The following PHACTR2 variants were observed in gnomAD, a reference collection of about 807,000 sequenced individuals.
PHACTR2 encodes phosphatase and actin regulator 2, also known as chromosome 6 open reading frame 56.
A neutral mutation model predicts 76.0 loss-of-function variants in PHACTR2; 30 were observed. The ratio of observed to expected loss-of-function variants is 0.39; its 90% CI spans 0.30 to 0.54. The LOEUF (loss-of-function observed/expected upper bound fraction) is 0.54, where lower values mean the gene tolerates loss of function less well. Among genes scored for constraint, PHACTR2 ranks in the 20% least tolerant of loss-of-function variants. PHACTR2 has a pLI of 0.61. For synonymous variants in PHACTR2, 292 were observed against 292.5 expected (o/e 1.00, Z 0.02); for missense variants, 696 against 781.1 (o/e 0.89, Z 1.30).
At chr6:143,770,386 T>G (rs2128474662) in intron 6 of PHACTR2, among the ~76,000 whole-genome samples, 1 of 152,282 alleles carries the variant, frequency 6.6e-6, no homozygotes, top group South Asian at 2.1e-4. Context: ...GGGTAGAGTT[T>G]CAATTTGGGA....
rs116768814 is a variant in PHACTR2, at chr6:143,685,757, C to T, written c.46+7548C>T. Among the ~76,000 whole-genome samples the T allele has an allele frequency of 8.2e-3, 1,239 of 150,666 alleles. 19 individuals are homozygous for T. The highest frequency in any genetic ancestry group is 0.028 in the African/African-American group (1,155 of 40,956). ...TAGCAAAGATTAAAATGAGTAATTC[C>T]CAAAAGACAATTGTTTTGTGGTAAT... On this transcript the variant is annotated intron_variant, in intron 1 of 12. Coordinates refer to ENST00000440869, the MANE Select transcript of PHACTR2 (RefSeq NM_001100164.2).
At chr6:143,582,378 A>T (rs1173580178) in intron 1 of PHACTR2, among the ~76,000 whole-genome samples, 1 of 152,138 alleles carries the variant, frequency 6.6e-6, no homozygotes, top group Non-Finnish European at 1.5e-5. Flanking sequence ...AAATTACCAG[A>T]GACAAGCAGG....
In PHACTR2 at chr6:143,825,555, C is replaced by T. The variant is rs1776515077; in HGVS notation, c.*1866C>T. ...TTTTTCTGCATGCCCAGGTGTCTGT[C>T]TCTGGCTGAGGTTTTGTCTATTTTA... is the stretch of plus-strand genomic sequence containing the variant. On this transcript the variant is annotated 3_prime_UTR_variant, in exon 13 of 13. Coordinates refer to ENST00000440869, the MANE Select transcript of PHACTR2 (RefSeq NM_001100164.2). The surrounding 1 kb of genome is among the most constrained non-coding windows in gnomAD (Gnocchi z 4.1). 1 of 152,038 alleles carries T rather than the reference C, an allele frequency of 6.6e-6. No homozygotes were observed. The highest frequency in any genetic ancestry group is 1.5e-5 in the Non-Finnish European group (1 of 67,990). The allele number at this position is 152,038 out of a possible 1,614,324, so 9.4% of individuals were successfully genotyped here. A position where few individuals can be genotyped will look rare whatever the true frequency, so the allele number is the denominator to read the frequency against.
intron 2 of PHACTR2, among the ~76,000 whole-genome samples, chr6:143,729,382 T>A (rs1277861637): frequency 2.0e-5 from 3 of 152,172 alleles, no homozygotes; most frequent in African/African-American, 7.2e-5. Flanking sequence ...TTAAAATAGA[T>A]CATGCTTTTG....
rs141426411 is a variant in PHACTR2, at chr6:143,776,542, G to A, written c.1590-786G>A. On this transcript the variant is annotated intron_variant, in intron 8 of 12. Coordinates refer to ENST00000440869, the MANE Select transcript of PHACTR2 (RefSeq NM_001100164.2). This position sits in a 1 kb window ranked among gnomAD's most constrained non-coding sequence, Gnocchi z 5.3. ...GCAGAAGTCCGTAGTCAGGTACCTA[G>A]CTAACATCCAGGCCGATCTGTTGCT... Among the ~76,000 whole-genome samples the A allele has an allele frequency of 8.5e-5, 13 of 152,324 alleles. No individual in the cohort carries two copies. In the East Asian group the frequency reaches 1.5e-3, roughly 18 times the overall value.
At position 143,738,154 on chromosome 6, in the gene PHACTR2, G is replaced by A. The variant is rs917961234; in HGVS notation, c.215-10831G>A. On this transcript the variant is annotated intron_variant, in intron 2 of 12. Coordinates refer to ENST00000440869, the MANE Select transcript of PHACTR2 (RefSeq NM_001100164.2). The surrounding 1 kb of genome is among the most constrained non-coding windows in gnomAD (Gnocchi z 4.0). Reference sequence around the variant, plus strand: ...TGGCCAGGCGCTGTGGCCCACGCCTGTAATCCTAGCACTTTGGGAGTCCTA... The same window carrying A: ...TGGCCAGGCGCTGTGGCCCACGCCTATAATCCTAGCACTTTGGGAGTCCTA... 6.6e-6 allele frequency among the ~76,000 whole-genome samples: 1 copy of A among 152,194 alleles called. No homozygotes were observed. Among genetic ancestry groups the A allele is most frequent in the Non-Finnish European group, 1.5e-5 (1 of 68,034 alleles).
intron 1 of PHACTR2, among the ~76,000 whole-genome samples, chr6:143,601,311 T>G (rs1775812745): frequency 6.6e-6 from 1 of 152,188 alleles, no homozygotes; most frequent in Admixed American, 6.5e-5. Context: ...GGATGGCCTT[T>G]AGATCTGTAC....
intron 11 of PHACTR2, among the ~76,000 whole-genome samples, chr6:143,802,301 C>T (rs1775975957): frequency 6.6e-6 from 1 of 152,002 alleles, no homozygotes; most frequent in African/African-American, 2.4e-5. Flanking sequence ...GCTCTGATCC[C>T]CCATAACCTC....
rs1382877846 is a variant in PHACTR2, at chr6:143,553,440, A to T, written c.217+16233A>T. ...AAACCAGGAAGAGGGGAGTTGGTGC[A>T]TGTAAACCCAGCTGGGTTTGTTAAC... On this transcript the variant is annotated intron_variant, in intron 1 of 11. Transcript: ENST00000367584. The surrounding 1 kb of genome is among the most constrained non-coding windows in gnomAD (Gnocchi z 4.2). Among the ~76,000 whole-genome samples the T allele has an allele frequency of 6.6e-6, 1 of 152,226 alleles. No individual in the cohort carries two copies. The highest frequency in any genetic ancestry group is 2.4e-5 in the African/African-American group (1 of 41,450).
At chr6:143,727,066 G>C (rs1375917060) in intron 2 of PHACTR2, among the ~76,000 whole-genome samples, 1 of 151,940 alleles carries the variant, frequency 6.6e-6, no homozygotes, top group Non-Finnish European at 1.5e-5. Flanking sequence ...CTGTATGTTT[G>C]TACCCATTAA....
rs1307369080 is a variant in PHACTR2, at chr6:143,829,458, TA to T, written c.*5772del. On this transcript the variant is annotated 3_prime_UTR_variant, in exon 13 of 13. Transcript: ENST00000440869. ...CACAAATGCTTGAATTTCCCCTGTA[TA>T]AATGTAGTCATGCGATTCAACTTTT... 1 of 152,180 alleles carries T rather than the reference TA, an allele frequency of 6.6e-6. No individual in the cohort carries two copies. Among genetic ancestry groups the T allele is most frequent in the Non-Finnish European group, 1.5e-5 (1 of 68,028 alleles). The allele number at this position is 152,180 out of a possible 1,614,324, so 9.4% of individuals were successfully genotyped here.
At position 143,627,131 on chromosome 6, in the gene PHACTR2, A is replaced by G. The variant is rs924571428; in HGVS notation, c.13+18809A>G. 2.0e-5 allele frequency among the ~76,000 whole-genome samples: 3 copies of G among 152,176 alleles called. No individual in the cohort carries two copies. Among genetic ancestry groups the G allele is most frequent in the Non-Finnish European group, 2.9e-5 (2 of 68,030 alleles). On this transcript the variant is annotated intron_variant, in intron 1 of 11. Transcript: ENST00000305766. The surrounding 1 kb of genome is among the most constrained non-coding windows in gnomAD (Gnocchi z 4.3). ...AAGTGCTTAGGTATCTATGAACCAAACAAGTTAGAAGGTCCAGGAGGGAAG... is the reference window on the plus strand; with the variant it reads ...AAGTGCTTAGGTATCTATGAACCAAGCAAGTTAGAAGGTCCAGGAGGGAAG...
Position 143,722,831 on chromosome 6 carries a change from C to A in PHACTR2, c.214+10648C>A, listed in dbSNP as rs1778474425. Among the ~76,000 whole-genome samples, 1 of 152,134 alleles carries A rather than the reference C, an allele frequency of 6.6e-6. No individual in the cohort carries two copies. The highest frequency in any genetic ancestry group is 1.5e-5 in the Non-Finnish European group (1 of 68,028). On this transcript the variant is annotated intron_variant, in intron 2 of 12. Coordinates refer to ENST00000440869, the MANE Select transcript of PHACTR2 (RefSeq NM_001100164.2). The surrounding 1 kb of genome is among the most constrained non-coding windows in gnomAD (Gnocchi z 4.1). Reference sequence around the variant, plus strand: ...GAGTTCAGTTTTTTTGTTTTAGCTCCCACATATGAGTGAGAACATGCAACA... The same window carrying A: ...GAGTTCAGTTTTTTTGTTTTAGCTCACACATATGAGTGAGAACATGCAACA...
chr6:143,651,241 G>A (rs1183130816), intron 1 of PHACTR2, among the ~76,000 whole-genome samples: 3 of 152,158 alleles, frequency 2.0e-5, no homozygotes, highest in Non-Finnish European at 4.4e-5. Context: ...CACTCTTGGT[G>A]GGAGTGTGAA....
In PHACTR2 at chr6:143,659,379, A is replaced by G. The variant is rs1776907324; in HGVS notation, c.13+51057A>G. On this transcript the variant is annotated intron_variant, in intron 1 of 11. Transcript: ENST00000305766. This position sits in a 1 kb window ranked among gnomAD's most constrained non-coding sequence, Gnocchi z 5.0. ...ATAAAAACCCTCTGCTGAGGGTGTC[A>G]GGGTCTCATGAAGCTGCAGTCAAGG... 6.6e-6 allele frequency among the ~76,000 whole-genome samples: 1 copy of G among 152,196 alleles called. No individual in the cohort carries two copies. The highest frequency in any genetic ancestry group is 2.4e-5 in the African/African-American group (1 of 41,456).
intron 1 of PHACTR2, among the ~76,000 whole-genome samples, chr6:143,609,703 C>T (rs1582696955): frequency 6.6e-6 from 1 of 152,022 alleles, no homozygotes; most frequent in East Asian, 1.9e-4. Flanking sequence ...CTTCTGCCAC[C>T]CACAATTTAT....
In PHACTR2 at chr6:143,562,876, A is replaced by T. The variant is rs1199863479; in HGVS notation, c.217+25669A>T. On this transcript the variant is annotated intron_variant, in intron 1 of 11. Transcript: ENST00000367584. The surrounding 1 kb of genome is among the most constrained non-coding windows in gnomAD (Gnocchi z 5.1). ...TTCTGCTCAATGAAATAAGCCAGAC[A>T]CAGATGGATAAATATTGTATGATTC... 6.6e-6 allele frequency among the ~76,000 whole-genome samples: 1 copy of T among 152,252 alleles called. No homozygotes were observed. The highest frequency in any genetic ancestry group is 1.5e-5 in the Non-Finnish European group (1 of 68,048).
chr6:143,564,189 G>A (rs1326635526), intron 1 of PHACTR2, among the ~76,000 whole-genome samples: 7,303 of 60,210 alleles, frequency 0.12, 543 homozygotes, highest in Non-Finnish European at 0.18. Context: ...GTGTATGTGT[G>A]TGTGTGCATA....
In PHACTR2 at chr6:143,807,031, G is replaced by GT. The variant is rs2128483753; in HGVS notation, c.1846-23dup. The GT allele has an allele frequency of 7.6e-7, 1 of 1,317,030 alleles. No individual in the cohort carries two copies. Among genetic ancestry groups the GT allele is most frequent in the East Asian group, 2.3e-5 (1 of 43,362 alleles). The allele number at this position is 1,317,030 out of a possible 1,614,324, so 81.6% of individuals were successfully genotyped here. A position where few individuals can be genotyped will look rare whatever the true frequency, so the allele number is the denominator to read the frequency against. The stretch of plus-strand genomic sequence containing the variant: ...AATATATGACCTAAATAACAGTTCT[G>GT]TTTATCTATTTTTTTTCCTGTTTAG... On this transcript the variant is annotated intron_variant, in intron 11 of 12. Transcript: ENST00000440869. The surrounding 1 kb of genome is among the most constrained non-coding windows in gnomAD (Gnocchi z 5.5).
Sources: allele counts gnomAD v4.1 joint callset (sites outside exome capture counted in the v4.1 genomes callset), GRCh38; gene constraint gnomAD v4.1.1; non-coding constraint Gnocchi (gnomAD v3.1); transcripts MANE v1.5; gene names NCBI Gene and HGNC (gene_info 2026-07-23, HGNC 2026-07-21).